Variants in WIPF1 observed in about 807,000 individuals in gnomAD.
The protein encoded by WIPF1 is WAS/WASL-interacting protein family member 1.
In WIPF1, 13 loss-of-function variants were observed where a neutral mutation model predicts 35.4. That is an observed-to-expected ratio of 0.37 (90% CI 0.24 to 0.58). The LOEUF (loss-of-function observed/expected upper bound fraction) is 0.58. WIPF1 is among the 20% of genes least tolerant of loss of function. The pLI, the probability that WIPF1 is intolerant of heterozygous loss-of-function variation, is 0.74. For synonymous variants in WIPF1, 267 were observed against 266.3 expected (o/e 1.00, Z -0.02); for missense variants, 591 against 667.0 (o/e 0.89, Z 1.25).
intron 1 of WIPF1, among the ~76,000 whole-genome samples, chr2:174,593,945 G>A (rs1045530230): frequency 1.5e-4 from 23 of 152,222 alleles, no homozygotes; most frequent in Non-Finnish European, 1.5e-5. Flanking sequence ...GGACTCCAGA[G>A]GAAGCAAAAG....
At position 174,661,600 on chromosome 2, in the gene WIPF1, G is replaced by A. The variant is rs112418500; in HGVS notation, c.-39+21174C>T. On this transcript the variant is annotated intron_variant, in intron 1 of 8. Transcript: ENST00000272746. Reference sequence around the variant, plus strand: ...ATCCCTATCATTCTTCATCCCATCAGCCTCTCTGCTTTTTTCACAGCCCTC... The same window carrying A: ...ATCCCTATCATTCTTCATCCCATCAACCTCTCTGCTTTTTTCACAGCCCTC... 8.1e-4 allele frequency among the ~76,000 whole-genome samples: 124 copies of A among 152,176 alleles called. 1 individual carries two copies. The highest frequency in any genetic ancestry group is 2.8e-3 in the African/African-American group (118 of 41,520).
At chr2:174,645,153 T>C (rs1242716051) in intron 1 of WIPF1, among the ~76,000 whole-genome samples, 1 of 152,256 alleles carries the variant, frequency 6.6e-6, no homozygotes, top group Non-Finnish European at 1.5e-5. Context: ...AGAGTGTTTC[T>C]GTTTTAATAT....
intron 1 of WIPF1, among the ~76,000 whole-genome samples, chr2:174,653,910 C>T (rs1381179584): frequency 1.3e-5 from 2 of 152,132 alleles, no homozygotes; most frequent in African/African-American, 2.4e-5. Flanking sequence ...GTGCTACTCA[C>T]ATATTTATCA....
intron 3 of WIPF1, among the ~76,000 whole-genome samples, chr2:174,580,304 CAGAACAACA>C (rs1685194724): frequency 6.6e-6 from 1 of 152,180 alleles, no homozygotes. Context: ...TGCCCGGTAA[CAGAACAACA>C]TTCAAAGGCC....
intron 1 of WIPF1, among the ~76,000 whole-genome samples, chr2:174,660,334 T>G (rs181880985): frequency 1.5e-3 from 227 of 152,284 alleles, no homozygotes; most frequent in African/African-American, 5.2e-3. Flanking sequence ...TTGCCTAAAT[T>G]TTTTGTGCTT....
At chr2:174,665,659 T>C (rs953658101) in intron 1 of WIPF1, 1 of 152,270 alleles carries the variant, frequency 6.6e-6, no homozygotes, top group Admixed American at 6.5e-5. Context: ...AGGAAATGTG[T>C]TGCATTTGGT....
chr2:174,571,727 G>T lies in WIPF1; in HGVS notation c.1078C>A (p.Pro360Thr). The change falls in exon 5 of 8, where the codon CCG (proline) becomes ACG (threonine). Residue 360 changes from proline (P) to threonine (T), a missense_variant. By Grantham distance (38) the Pro-to-Thr change is conservative. Around this residue, in one of 3 missense-constraint regions of WIPF1, gnomAD observed 471 missense variants for 501.1 expected, o/e 0.94. Coordinates refer to ENST00000679041, the MANE Select transcript of WIPF1 (RefSeq NM_001375834.1). This position sits in a 1 kb window ranked among gnomAD's most constrained non-coding sequence, Gnocchi z 4.6. ...SPGRSGPLPP[P>T]PSERPPPPVR... ...GGAGGTGGGGGTCTCTCACTGGGCG[G>T]GGGAGGAAGAGGACCTGAACGTCCT... 2 of 1,614,166 alleles carry T rather than the reference G, an allele frequency of 1.2e-6. No homozygotes were observed. Among genetic ancestry groups the T allele is most frequent in the Non-Finnish European group, 1.7e-6 (2 of 1,180,034 alleles).
intron 3 of WIPF1, 40 bp downstream of exon 3, chr2:174,581,266 CATAA>C (rs1685232176): frequency 1.2e-6 from 2 of 1,610,270 alleles, no homozygotes; most frequent in African/African-American, 2.7e-5. Flanking sequence ...ATTATTAGGC[CATAA>C]ACTGTTCCTC....
At chr2:174,633,422 CCT>C (rs1250800469) in intron 1 of WIPF1, among the ~76,000 whole-genome samples, 4 of 152,168 alleles carry the variant, frequency 2.6e-5, no homozygotes, top group Non-Finnish European at 4.4e-5. Flanking sequence ...CCTTATCCTC[CCT>C]GTCTCAGTTA....
chr2:174,674,997 G>A (rs992156049), intron 1 of WIPF1, among the ~76,000 whole-genome samples: 1 of 151,030 alleles, frequency 6.6e-6, no homozygotes, highest in African/African-American at 2.4e-5. Flanking sequence ...GACACAATAT[G>A]AACAGTTAAA....
At chr2:174,664,652 G>A (rs1027038659) in intron 1 of WIPF1, among the ~76,000 whole-genome samples, 2 of 152,214 alleles carry the variant, frequency 1.3e-5, no homozygotes, top group Admixed American at 1.3e-4. Context: ...TAGGCCAAGA[G>A]CCAGGGCAAG....
At chr2:174,595,104 AAAAAAATATAT>A (rs1391769259) in intron 1 of WIPF1, among the ~76,000 whole-genome samples, 9 of 43,666 alleles carry the variant, frequency 2.1e-4, no homozygotes, top group African/African-American at 6.8e-4. Context: ...AAAAAAAAAA[AAAAAAATATAT>A]ATATATATAT....
chr2:174,603,257 C>A (rs1455925147), intron 1 of WIPF1, among the ~76,000 whole-genome samples: 1 of 152,130 alleles, frequency 6.6e-6, no homozygotes, highest in Non-Finnish European at 1.5e-5. Context: ...TTTTTCTAGA[C>A]CTTTAATTTA....
intron 1 of WIPF1, among the ~76,000 whole-genome samples, chr2:174,659,775 A>G (rs1687719431): frequency 6.6e-6 from 1 of 152,218 alleles, no homozygotes; most frequent in Non-Finnish European, 1.5e-5. Flanking sequence ...TCTAAAACCT[A>G]ACGATTTCCC....
intron 1 of WIPF1, among the ~76,000 whole-genome samples, chr2:174,657,276 C>T (rs1687659907): frequency 6.6e-6 from 1 of 152,174 alleles, no homozygotes. Flanking sequence ...ACGTATTATA[C>T]TGGACTAATG....
intron 1 of WIPF1, among the ~76,000 whole-genome samples, chr2:174,616,186 C>T (rs1312573389): frequency 1.3e-5 from 2 of 152,086 alleles, no homozygotes; most frequent in East Asian, 3.8e-4. Flanking sequence ...AAAAGAAACC[C>T]AAGAGACCAG....
At chr2:174,625,021 C>T (rs2105921567) in intron 1 of WIPF1, among the ~76,000 whole-genome samples, 2 of 152,288 alleles carry the variant, frequency 1.3e-5, no homozygotes, top group South Asian at 4.1e-4. Context: ...GGTCCTGGAC[C>T]ACTTCCAAGG....
At chr2:174,657,917 A>C (rs1687679654) in intron 1 of WIPF1, among the ~76,000 whole-genome samples, 1 of 55,300 alleles carries the variant, frequency 1.8e-5, no homozygotes, top group Non-Finnish European at 4.9e-5. Context: ...TCTCAAAAAA[A>C]AAAAAAAAAA....
chr2:174,611,843 G>A (rs181458360), intron 1 of WIPF1, among the ~76,000 whole-genome samples: 125 of 152,266 alleles, frequency 8.2e-4, no homozygotes, highest in African/African-American at 2.9e-3. Context: ...ACACTGTCTA[G>A]GGTTAACTTT....
Sources: allele counts gnomAD v4.1 joint callset (sites outside exome capture counted in the v4.1 genomes callset), GRCh38; gene constraint gnomAD v4.1.1; regional missense constraint gnomAD v4.1.1; non-coding constraint Gnocchi (gnomAD v3.1); transcripts MANE v1.5; gene names NCBI Gene and HGNC (gene_info 2026-07-23, HGNC 2026-07-21).